CCDC91: variants seen among roughly 807,000 people sequenced by gnomAD.
CCDC91 encodes coiled-coil domain-containing protein 91.
In CCDC91, 48 loss-of-function variants were observed where a neutral mutation model predicts 63.2. The observed-to-expected ratio is 0.76, with a 90% CI of 0.60 to 0.97. The LOEUF (loss-of-function observed/expected upper bound fraction) is 0.97. CCDC91 is among the 50% of genes least tolerant of loss of function. The pLI, the probability that CCDC91 is intolerant of heterozygous loss-of-function variation, is 0.00. For synonymous variants in CCDC91, 167 were observed against 165.8 expected (o/e 1.01, Z -0.06); for missense variants, 500 against 494.6 (o/e 1.01, Z -0.10).
At chr12:28,428,675 C>G (rs1369628783) in intron 8 of CCDC91, among the ~76,000 whole-genome samples, 1 of 142,460 alleles carries the variant, frequency 7.0e-6, no homozygotes, top group Non-Finnish European at 1.5e-5. Flanking sequence ...TTTTAATTTT[C>G]TACATTTTTT....
chr12:28,263,487 C>G (rs1470009814), intron 3 of CCDC91, among the ~76,000 whole-genome samples: 2 of 151,912 alleles, frequency 1.3e-5, no homozygotes, highest in African/African-American at 2.4e-5. Flanking sequence ...GAATAATGTT[C>G]TCAAGGTTCA....
At chr12:28,193,393 G>A (rs1188425422) in intron 1 of CCDC91, among the ~76,000 whole-genome samples, 1 of 152,148 alleles carries the variant, frequency 6.6e-6, no homozygotes, top group Non-Finnish European at 1.5e-5. Context: ...ACGAGGTCAG[G>A]AGATTGAGAC....
chr12:28,520,707 C>T (rs1308783540), intron 12 of CCDC91, among the ~76,000 whole-genome samples: 1 of 152,106 alleles, frequency 6.6e-6, no homozygotes, highest in Non-Finnish European at 1.5e-5. Flanking sequence ...GGTTTTAGGT[C>T]TAACATTTAA....
intron 1 of CCDC91, among the ~76,000 whole-genome samples, chr12:28,206,965 T>A (rs1419367731): frequency 6.6e-6 from 1 of 152,232 alleles, no homozygotes; most frequent in Non-Finnish European, 1.5e-5. Context: ...TGAATCAATG[T>A]TCTGTTTCTG....
At chr12:28,302,705 GTAT>G in intron 3 of CCDC91, 2 of 901,580 alleles carry the variant, frequency 2.2e-6, no homozygotes, top group Non-Finnish European at 2.7e-6. Flanking sequence ...GTTTTTTGAT[GTAT>G]TATTAACTGA....
intron 2 of CCDC91, among the ~76,000 whole-genome samples, chr12:28,257,466 A>G (rs1946530825): frequency 2.0e-5 from 3 of 152,140 alleles, no homozygotes; most frequent in East Asian, 1.9e-4. Context: ...GCCCATAGGA[A>G]TGGTTTAAAT....
intron 12 of CCDC91, among the ~76,000 whole-genome samples, chr12:28,517,185 TAAAC>T (rs1337877094): frequency 1.3e-5 from 2 of 151,934 alleles, no homozygotes; most frequent in African/African-American, 4.8e-5. Context: ...TTAAATTACT[TAAAC>T]AAAAAAGGAT....
At chr12:28,444,645 A>G (rs1325292974) in intron 8 of CCDC91, among the ~76,000 whole-genome samples, 1 of 152,186 alleles carries the variant, frequency 6.6e-6, no homozygotes, top group Non-Finnish European at 1.5e-5. Context: ...TCATGAATAC[A>G]AAGAAGGGAA....
At chr12:28,475,177 T>C (rs2140749975) in intron 11 of CCDC91, among the ~76,000 whole-genome samples, 1 of 152,256 alleles carries the variant, frequency 6.6e-6, no homozygotes, top group South Asian at 2.1e-4. Context: ...ATACAAGTAT[T>C]GACTCATTTT....
At chr12:28,398,642 G>T (rs1946433225) in intron 8 of CCDC91, among the ~76,000 whole-genome samples, 1 of 152,106 alleles carries the variant, frequency 6.6e-6, no homozygotes, top group Admixed American at 6.5e-5. Context: ...CAATGTATGA[G>T]AATTCTCTTT....
At chr12:28,251,616 C>T (rs1238132735) in intron 1 of CCDC91, among the ~76,000 whole-genome samples, 1 of 152,020 alleles carries the variant, frequency 6.6e-6, no homozygotes, top group African/African-American at 2.4e-5. Flanking sequence ...CTGTGTCCTC[C>T]ATGCTTTTCC....
At chr12:28,517,101 C>T (rs547651142) in intron 12 of CCDC91, among the ~76,000 whole-genome samples, 3 of 152,058 alleles carry the variant, frequency 2.0e-5, no homozygotes, top group South Asian at 4.1e-4. Context: ...CTCTCCTTCT[C>T]CTGTGCTCCA....
intron 12 of CCDC91, among the ~76,000 whole-genome samples, chr12:28,509,130 G>A (rs1939083326): frequency 6.6e-6 from 1 of 151,924 alleles, no homozygotes; most frequent in African/African-American, 2.4e-5. Flanking sequence ...TTGTGTCTTA[G>A]CATCCTCTCA....
At chr12:28,303,266 G>C (rs1302106184) in intron 3 of CCDC91, among the ~76,000 whole-genome samples, 1 of 152,062 alleles carries the variant, frequency 6.6e-6, no homozygotes, top group African/African-American at 2.4e-5. Context: ...AAGAATTTTT[G>C]TTATGAAGAG....
intron 12 of CCDC91, among the ~76,000 whole-genome samples, chr12:28,547,844 G>A (rs1447989499): frequency 1.3e-5 from 2 of 152,074 alleles, no homozygotes; most frequent in Non-Finnish European, 2.9e-5. Context: ...AGTAGATTAT[G>A]GAAGTATACT....
intron 12 of CCDC91, among the ~76,000 whole-genome samples, chr12:28,506,341 A>G (rs1938712685): frequency 6.6e-6 from 1 of 151,966 alleles, no homozygotes; most frequent in South Asian, 2.1e-4. Context: ...ATTACTAGGA[A>G]TGAACAAAAC....
intron 12 of CCDC91, among the ~76,000 whole-genome samples, chr12:28,505,986 T>C (rs553249039): frequency 6.6e-6 from 1 of 152,114 alleles, no homozygotes; most frequent in South Asian, 2.1e-4. Context: ...GGATGTGTAT[T>C]AGGGCTAAAA....
chr12:28,288,645 T>C (rs1949045821), intron 3 of CCDC91, among the ~76,000 whole-genome samples: 1 of 152,164 alleles, frequency 6.6e-6, no homozygotes, highest in Admixed American at 6.5e-5. Context: ...GAAATAATTA[T>C]TTTTCGTTGT....
At chr12:28,270,907 C>A (rs537017938) in intron 3 of CCDC91, among the ~76,000 whole-genome samples, 5 of 152,184 alleles carry the variant, frequency 3.3e-5, no homozygotes, top group African/African-American at 1.2e-4. Flanking sequence ...ACAGGTGAGA[C>A]AATGGGGAAC....
Sources: allele counts gnomAD v4.1 joint callset (sites outside exome capture counted in the v4.1 genomes callset), GRCh38; gene constraint gnomAD v4.1.1; transcripts MANE v1.5; gene names NCBI Gene and HGNC (gene_info 2026-07-23, HGNC 2026-07-21).